Variants in AMZ1 observed in about 807,000 individuals in gnomAD.
The protein encoded by AMZ1 is archaelysin family metallopeptidase 1.
A neutral mutation model predicts 29.9 loss-of-function variants in AMZ1; 39 were observed. The observed-to-expected ratio is 1.30, with a 90% CI of 1.01 to 1.70. The LOEUF is 1.70. Among genes scored for constraint, AMZ1 ranks in the 40% most tolerant of loss-of-function variants. The pLI is 0.00. For missense variants in AMZ1, 1,041 were observed against 680.6 expected, an observed-to-expected ratio of 1.53 and a Z score of -5.89; for synonymous variants, 458 against 304.0, an observed-to-expected ratio of 1.51 and a Z score of -5.27.
intron 4 of AMZ1, among the ~76,000 whole-genome samples, chr7:2,725,794 C>G (rs950296010): frequency 6.6e-6 from 1 of 151,084 alleles, no homozygotes; most frequent in Admixed American, 6.6e-5. Context: ...TGTTCCAGGT[C>G]CAACACAACG....
downstream of AMZ1, among the ~76,000 whole-genome samples, chr7:2,723,676 C>T (rs186347358): frequency 3.3e-5 from 5 of 152,352 alleles, no homozygotes; most frequent in Admixed American, 2.6e-4. Context: ...GCTTTCCCCA[C>T]AGCTTCAGGG....
At chr7:2,726,543 G>A (rs576789374) in intron 4 of AMZ1, among the ~76,000 whole-genome samples, 13 of 152,316 alleles carry the variant, frequency 8.5e-5, no homozygotes, top group African/African-American at 2.6e-4. Flanking sequence ...GCATGGAGAC[G>A]TGAGGACATC....
chr7:2,763,775 T>G (rs1331794984), upstream of AMZ1, among the ~76,000 whole-genome samples: 6 of 152,194 alleles, frequency 3.9e-5, no homozygotes, highest in Non-Finnish European at 1.5e-5. Flanking sequence ...CTGCTTTTCC[T>G]GTCGCCTGGA....
At chr7:2,746,121 A>C (rs1242028466) in intron 4 of AMZ1, among the ~76,000 whole-genome samples, 4 of 152,224 alleles carry the variant, frequency 2.6e-5, no homozygotes, top group African/African-American at 4.8e-5. Context: ...CGAGACAGAA[A>C]GTTAACAAGG....
At chr7:2,694,550 G>A (rs1304354631) in intron 1 of AMZ1, among the ~76,000 whole-genome samples, 2 of 151,880 alleles carry the variant, frequency 1.3e-5, no homozygotes, top group African/African-American at 2.4e-5. Flanking sequence ...TCTGCCTCCC[G>A]AAGTACTGGG....
At chr7:2,757,333 G>A (rs949889339) in intron 4 of AMZ1, among the ~76,000 whole-genome samples, 2 of 151,704 alleles carry the variant, frequency 1.3e-5, no homozygotes, top group African/African-American at 4.8e-5. Context: ...ACAGGGTTTC[G>A]CCATGTCAGG....
intron 4 of AMZ1, among the ~76,000 whole-genome samples, chr7:2,744,552 G>A (rs979451856): frequency 1.3e-5 from 2 of 152,044 alleles, no homozygotes; most frequent in Admixed American, 6.6e-5. Flanking sequence ...AGGTAGAAAA[G>A]ACCACAAAGA....
At chr7:2,749,598 A>G (rs1583232560) in intron 4 of AMZ1, among the ~76,000 whole-genome samples, 1 of 152,282 alleles carries the variant, frequency 6.6e-6, no homozygotes, top group African/African-American at 2.4e-5. Context: ...CCAACATGGC[A>G]CATGTATACA....
chr7:2,701,109 T>C (rs1252941750), intron 2 of AMZ1, among the ~76,000 whole-genome samples: 1 of 152,150 alleles, frequency 6.6e-6, no homozygotes, highest in Non-Finnish European at 1.5e-5. Flanking sequence ...TGCACACCTG[T>C]AATCCCAGCT....
In AMZ1 at chr7:2,712,368, G is replaced by T; in HGVS notation, c.987G>T (p.Trp329Cys). Reference protein sequence around the residue: ...YTWTQAVVGTWPSQEAGEPSV... With the variant: ...YTWTQAVVGTCPSQEAGEPSV... ...GGACTCAGGCGGTGGTGGGGACGTG[G>T]CCCAGCCAGGAGGCGGGGGAGCCGT... The change falls in exon 7 of 7, where the codon TGG becomes TGT. Residue 329 changes from tryptophan to cysteine, a missense_variant. Physicochemically the swap from Trp to Cys is radical, Grantham distance 215 (BLOSUM62 -2). Coordinates refer to ENST00000683327, the MANE Select transcript of AMZ1 (RefSeq NM_001384743.1). The T allele has an allele frequency of 6.2e-7, 1 of 1,603,910 alleles. No individual in the cohort carries two copies. Among genetic ancestry groups the T allele is most frequent in the Non-Finnish European group, 8.5e-7 (1 of 1,174,998 alleles).
intron 1 of AMZ1, among the ~76,000 whole-genome samples, chr7:2,683,087 C>G (rs1219456506): frequency 6.6e-6 from 1 of 152,236 alleles, no homozygotes; most frequent in African/African-American, 2.4e-5. Context: ...TCCCAGGACT[C>G]CTTGTGCCAA....
intron 6 of AMZ1, among the ~76,000 whole-genome samples, chr7:2,710,502 T>A (rs1788704551): frequency 6.6e-6 from 1 of 152,144 alleles, no homozygotes. Flanking sequence ...TCCCGCCCGT[T>A]GAGGCAAGTG....
At chr7:2,763,191 AACACACACACACAC>A (rs56384682), upstream of AMZ1, 6,264 of 220,086 alleles carry the variant, frequency 0.028, 3 homozygotes, top group Middle Eastern at 0.041. Flanking sequence ...AAGACACCCC[AACACACACACACAC>A]ACACACACAC....
At chr7:2,759,504 G>A (rs1224418488) in intron 4 of AMZ1, among the ~76,000 whole-genome samples, 1 of 152,200 alleles carries the variant, frequency 6.6e-6, no homozygotes, top group African/African-American at 2.4e-5. Flanking sequence ...TTTAGGAATA[G>A]GTGGTAAAAA....
At chr7:2,743,934 T>G (rs955269306) in intron 4 of AMZ1, among the ~76,000 whole-genome samples, 2 of 151,174 alleles carry the variant, frequency 1.3e-5, no homozygotes, top group African/African-American at 4.9e-5. Context: ...AGCACAGCAG[T>G]CTGAGATCAA....
intron 4 of AMZ1, among the ~76,000 whole-genome samples, chr7:2,749,065 AC>A (rs1790901794): frequency 6.6e-6 from 1 of 152,182 alleles, no homozygotes; most frequent in South Asian, 2.1e-4. Flanking sequence ...TGTTGGTGGG[AC>A]TGTAAACTAG....
chr7:2,723,056 G>A (rs968571355), downstream of AMZ1, among the ~76,000 whole-genome samples: 6 of 152,182 alleles, frequency 3.9e-5, no homozygotes, highest in Admixed American at 1.3e-4. Flanking sequence ...AAGTAAATCT[G>A]AAATGCATTT....
intron 1 of AMZ1, among the ~76,000 whole-genome samples, chr7:2,692,307 G>A (rs1230001561): frequency 3.9e-5 from 6 of 152,294 alleles, no homozygotes; most frequent in Non-Finnish European, 7.3e-5. Flanking sequence ...CTGGGAGGCC[G>A]AGGCGGGCGG....
intron 4 of AMZ1, among the ~76,000 whole-genome samples, chr7:2,736,787 G>A (rs1289879272): frequency 6.6e-6 from 1 of 152,222 alleles, no homozygotes; most frequent in Non-Finnish European, 1.5e-5. Flanking sequence ...CGTCAGGCAG[G>A]CACTGCAGCA....
Sources: gnomAD v4.1 joint callset for allele counts (sites outside exome capture counted in the v4.1 genomes callset) on GRCh38, gnomAD v4.1.1 for gene constraint, MANE v1.5 for transcripts, NCBI Gene and HGNC (gene_info 2026-07-23, HGNC 2026-07-21) for gene names.